SNTG1: variants seen among roughly 807,000 people sequenced by gnomAD.
The protein encoded by SNTG1 is gamma-1-syntrophin.
A neutral mutation model predicts 74.7 loss-of-function variants in SNTG1; 39 were observed. The ratio of observed to expected loss-of-function variants is 0.52; its 90% CI spans 0.40 to 0.68. The LOEUF (loss-of-function observed/expected upper bound fraction) is 0.68, where lower values mean the gene tolerates loss of function less well. Ranked by LOEUF, SNTG1 falls within the 30% of genes least tolerant of loss-of-function variation. The pLI is 0.00. For synonymous variants in SNTG1, 254 were observed against 217.1 expected, an observed-to-expected ratio of 1.17 and a Z score of -1.49; for missense variants, 685 against 609.5, an observed-to-expected ratio of 1.12 and a Z score of -1.30.
chr8:50,736,339 T>C (rs887041185), intron 17 of SNTG1, among the ~76,000 whole-genome samples: 1 of 151,726 alleles, frequency 6.6e-6, no homozygotes, highest in Non-Finnish European at 1.5e-5. Context: ...AGAAGGGCAT[T>C]ACATAACGGT....
At chr8:50,557,781 A>G (rs1382910045) in intron 12 of SNTG1, among the ~76,000 whole-genome samples, 1 of 152,222 alleles carries the variant, frequency 6.6e-6, no homozygotes, top group Admixed American at 6.5e-5. Context: ...TTGGCCTACC[A>G]CAAGAACTAT....
intron 15 of SNTG1, among the ~76,000 whole-genome samples, chr8:50,678,896 A>C (rs879881957): frequency 1.3e-5 from 2 of 152,112 alleles, no homozygotes; most frequent in South Asian, 4.1e-4. Context: ...TTTCTTTTCC[A>C]AGGATATATC....
At chr8:50,597,154 T>A (rs2094733166) in intron 13 of SNTG1, among the ~76,000 whole-genome samples, 1 of 151,734 alleles carries the variant, frequency 6.6e-6, no homozygotes, top group South Asian at 2.1e-4. Context: ...CACTGATGAT[T>A]GAGATCATGT....
intron 2 of SNTG1, among the ~76,000 whole-genome samples, chr8:50,354,595 T>C (rs2091765567): frequency 6.6e-6 from 1 of 152,026 alleles, no homozygotes; most frequent in Non-Finnish European, 1.5e-5. Context: ...GTTATATTAG[T>C]TTTTTTTATT....
At chr8:50,506,884 T>C (rs1159101479) in intron 9 of SNTG1, among the ~76,000 whole-genome samples, 2 of 152,108 alleles carry the variant, frequency 1.3e-5, no homozygotes, top group Non-Finnish European at 2.9e-5. Context: ...CCTTGCCTTA[T>C]TCTTAATCTT....
At chr8:50,254,533 T>A (rs975068939) in intron 2 of SNTG1, among the ~76,000 whole-genome samples, 1 of 152,122 alleles carries the variant, frequency 6.6e-6, no homozygotes, top group Admixed American at 6.6e-5. Context: ...GACTAAAAGA[T>A]ACTGAGTGAG....
intron 8 of SNTG1, among the ~76,000 whole-genome samples, chr8:50,480,805 T>A (rs1321548622): frequency 1.3e-5 from 2 of 152,200 alleles, no homozygotes; most frequent in Non-Finnish European, 2.9e-5. Flanking sequence ...GAAATCAGCC[T>A]ATATTTAACA....
intron 1 of SNTG1, among the ~76,000 whole-genome samples, chr8:50,016,571 TGCAC>T (rs1816336218): frequency 6.6e-6 from 1 of 152,146 alleles, no homozygotes; most frequent in African/African-American, 2.4e-5. Context: ...GAACCACCAC[TGCAC>T]TGTATGTTCA....
At chr8:50,485,064 G>A (rs1490816935) in intron 8 of SNTG1, among the ~76,000 whole-genome samples, 1 of 152,074 alleles carries the variant, frequency 6.6e-6, no homozygotes, top group African/African-American at 2.4e-5. Flanking sequence ...AGTATTTTGG[G>A]GCCTCAGTAA....
At chr8:50,597,099 C>G (rs2130907245) in intron 13 of SNTG1, among the ~76,000 whole-genome samples, 1 of 151,890 alleles carries the variant, frequency 6.6e-6, no homozygotes, top group Admixed American at 6.6e-5. Flanking sequence ...CTGGTAACCA[C>G]TATTGTACTC....
intron 2 of SNTG1, among the ~76,000 whole-genome samples, chr8:50,288,932 T>A (rs2088936317): frequency 6.6e-6 from 1 of 152,176 alleles, no homozygotes; most frequent in South Asian, 2.1e-4. Flanking sequence ...TGTCCTAAGG[T>A]TAAATGTGTT....
chr8:50,014,566 C>A (rs1482532171), intron 1 of SNTG1, among the ~76,000 whole-genome samples: 2 of 152,308 alleles, frequency 1.3e-5, no homozygotes, highest in South Asian at 4.1e-4. Flanking sequence ...TACTCACTGA[C>A]CTTACGGTCC....
chr8:50,018,619 CA>C (rs1396338318), intron 1 of SNTG1, among the ~76,000 whole-genome samples: 2 of 151,622 alleles, frequency 1.3e-5, no homozygotes, highest in Admixed American at 1.3e-4. Flanking sequence ...CTTATGATAT[CA>C]AAAGCAAAAA....
intron 8 of SNTG1, among the ~76,000 whole-genome samples, chr8:50,476,401 A>G (rs1293142423): frequency 1.3e-5 from 2 of 152,108 alleles, no homozygotes; most frequent in African/African-American, 4.8e-5. Context: ...TCAGCTGATA[A>G]AGTTGTTTTT....
intron 1 of SNTG1, among the ~76,000 whole-genome samples, chr8:49,946,166 T>C (rs1052800264): frequency 1.3e-5 from 2 of 152,198 alleles, no homozygotes; most frequent in Non-Finnish European, 2.9e-5. Context: ...CCTAAAGGTT[T>C]ATCTTTTCCA....
intron 2 of SNTG1, among the ~76,000 whole-genome samples, chr8:50,209,961 A>C (rs1439164039): frequency 6.6e-6 from 1 of 152,212 alleles, no homozygotes; most frequent in Non-Finnish European, 1.5e-5. Context: ...ATCCATTGCA[A>C]AGAAGCTAAA....
chr8:49,951,841 A>G (rs1050195422), intron 1 of SNTG1, among the ~76,000 whole-genome samples: 1 of 147,226 alleles, frequency 6.8e-6, no homozygotes, highest in Non-Finnish European at 1.5e-5. Flanking sequence ...TTAAACTAGA[A>G]ATCGACAACA....
intron 2 of SNTG1, among the ~76,000 whole-genome samples, chr8:50,205,303 C>T (rs2084169190): frequency 6.6e-6 from 1 of 152,190 alleles, no homozygotes; most frequent in South Asian, 2.1e-4. Flanking sequence ...TTTTGATCTG[C>T]ATTTCTCTGA....
Position 50,124,744 on chromosome 8 carries a change from C to G in SNTG1, c.-102-47817C>G, listed in dbSNP as rs1403551592. Among the ~76,000 whole-genome samples, 3 of 140,710 alleles carry G rather than the reference C, an allele frequency of 2.1e-5. 1 individual carries two copies. Among genetic ancestry groups the G allele is most frequent in the African/African-American group, 5.1e-5 (2 of 39,068 alleles). The allele number at this position is 140,710 out of a possible 152,430, so 92.3% of individuals were successfully genotyped here. ...TTTCCCTGCTTCTGCTTGTGCTAGG[C>G]AGTGAGGAAGAAAATTGTTGCCAAA... On this transcript the variant is annotated intron_variant, in intron 1 of 18. Transcript: ENST00000642720.
Sources: allele counts gnomAD v4.1 joint callset (sites outside exome capture counted in the v4.1 genomes callset), GRCh38; gene constraint gnomAD v4.1.1; transcripts MANE v1.5; gene names NCBI Gene and HGNC (gene_info 2026-07-23, HGNC 2026-07-21).